The following MTA1 variants were observed in gnomAD, a reference collection of about 807,000 sequenced individuals.
MTA1 encodes the protein metastasis associated 1.
Under a neutral mutation model 97.0 loss-of-function variants are expected in MTA1, and 15 were observed. That is an observed-to-expected ratio of 0.15 (90% CI 0.10 to 0.24). MTA1 has a LOEUF of 0.24. Among genes scored for constraint, MTA1 ranks in the 10% least tolerant of loss-of-function variants. The probability of loss-of-function intolerance (pLI) is 1.00; values close to 1 mark genes in which losing one functional copy is unlikely to be tolerated. For synonymous variants in MTA1, 435 were observed against 417.5 expected (o/e 1.04, Z -0.51); for missense variants, 709 against 1,015.1 (o/e 0.70, Z 4.10).
rs587715130 is a variant in MTA1, at chr14:105,468,546, G to A, written c.1814-921G>A. Among the ~76,000 whole-genome samples, 6 of 152,320 alleles carry A rather than the reference G, an allele frequency of 3.9e-5. No individual in the cohort carries two copies. The East Asian group carries it at 9.7e-4, about 25-fold the overall frequency. The stretch of plus-strand genomic sequence containing the variant: ...GCTCCAGGGCCCCAGTTGGCCCCCA[G>A]GGGAGTGCCCCAAGTTAGGAGGCAA... On this transcript the variant is annotated intron_variant, in intron 18 of 20. Transcript: ENST00000331320.
chr14:105,429,391 T>C (rs2082107789), intron 1 of MTA1, among the ~76,000 whole-genome samples: 1 of 151,834 alleles, frequency 6.6e-6, no homozygotes, highest in African/African-American at 2.4e-5. Context: ...GTTCAAGCGA[T>C]TCTCCTGCCT....
intron 10 of MTA1, among the ~76,000 whole-genome samples, chr14:105,462,424 T>C (rs1215229030): frequency 1.3e-4 from 20 of 149,950 alleles, no homozygotes; most frequent in African/African-American, 4.4e-4. Flanking sequence ...CAAAAATTAG[T>C]CGGGCATGGT....
chr14:105,464,715 G>A lies in MTA1; in HGVS notation c.1386G>A (p.Lys462=). The A allele has an allele frequency of 1.2e-6, 2 of 1,607,512 alleles. No homozygotes were observed. Among genetic ancestry groups the A allele is most frequent in the South Asian group, 1.1e-5 (1 of 90,898 alleles). The change falls in exon 15 of 21, where the codon AAG becomes AAA. Residue 462 remains lysine, a synonymous_variant. Coordinates refer to ENST00000331320, the MANE Select transcript of MTA1 (RefSeq NM_004689.4). The part of the protein sequence containing the change: ...GLPARSSGSP[K]FAMKTRQAFY... ...CAGCCCGGAGCAGCGGGAGCCCCAA[G>A]TTTGCCATGAAGACCAGGCAGGCTT...
chr14:105,458,844 G>A (rs993627420), intron 8 of MTA1, among the ~76,000 whole-genome samples: 4 of 152,214 alleles, frequency 2.6e-5, no homozygotes, highest in Non-Finnish European at 4.4e-5. Context: ...CCAATCTATC[G>A]GGATGCCCTC....
chr14:105,419,909 G>GGCA lies in MTA1; in HGVS notation c.-121_-119dup, dbSNP rs1476927330. ...CGGCGGCGGCGGCGGCGGCGGCGGC[G>GGCA]GCAGCAGCGCGGCCCCTTTAAACGC... On this transcript the variant is annotated 5_prime_UTR_variant, in exon 1 of 21. Coordinates refer to ENST00000331320, the MANE Select transcript of MTA1 (RefSeq NM_004689.4). 19 of 248,352 alleles carry GGCA rather than the reference G, an allele frequency of 7.7e-5. No individual in the cohort carries two copies. Among genetic ancestry groups the GGCA allele is most frequent in the African/African-American group, 9.4e-5 (4 of 42,406 alleles). The allele number at this position is 248,352 out of a possible 1,614,324, so 15.4% of individuals were successfully genotyped here. A position where few individuals can be genotyped will look rare whatever the true frequency, so the allele number is the denominator to read the frequency against.
intron 16 of MTA1, chr14:105,465,722 C>G (rs587678077): frequency 6.6e-6 from 1 of 152,590 alleles, no homozygotes; most frequent in Non-Finnish European, 1.5e-5. Flanking sequence ...TGAGGACACC[C>G]GAGAACCTCA....
intron 18 of MTA1, chr14:105,469,032 C>T (rs1382939278): frequency 2.6e-6 from 1 of 387,100 alleles, no homozygotes; most frequent in Middle Eastern, 6.9e-4. Context: ...GCGGCTCTCT[C>T]AGAGCCTTAG....
chr14:105,440,270 T>C (rs1555425332), intron 2 of MTA1, among the ~76,000 whole-genome samples: 2 of 152,216 alleles, frequency 1.3e-5, no homozygotes, highest in Non-Finnish European at 2.9e-5. Flanking sequence ...CATCCCAGCA[T>C]GTGGACTGTA....
At chr14:105,466,686 C>G (rs782659496) in intron 17 of MTA1, 21 bp from the exon 18 acceptor site, 6 of 1,605,172 alleles carry the variant, frequency 3.7e-6, no homozygotes, top group Non-Finnish European at 5.1e-6. Context: ...CTCTCCCTCT[C>G]TCCCACCCCG....
At position 105,463,572 on chromosome 14, in the gene MTA1, G is replaced by T; in HGVS notation, c.1076+21G>T. 1 of 1,612,002 alleles carries T rather than the reference G, an allele frequency of 6.2e-7. No homozygotes were observed. The highest frequency in any genetic ancestry group is 8.5e-7 in the Non-Finnish European group (1 of 1,179,282). Reference sequence around the variant, plus strand: ...AACTAGTAAGTGTGCCCTCACAGCCGTCGTCCTCGTGGCCCCGGGGGCCAG... The same window carrying T: ...AACTAGTAAGTGTGCCCTCACAGCCTTCGTCCTCGTGGCCCCGGGGGCCAG... On this transcript the variant is annotated intron_variant, in intron 12 of 20. Coordinates refer to ENST00000331320, the MANE Select transcript of MTA1 (RefSeq NM_004689.4). The surrounding 1 kb of genome is among the most constrained non-coding windows in gnomAD (Gnocchi z 5.9).
rs987480381 is a variant in MTA1 at position 105,470,407 on chromosome 14, G to C, written c.*192G>C. The C allele has an allele frequency of 1.9e-6, 1 of 523,254 alleles. No individual in the cohort carries two copies. Among genetic ancestry groups the C allele is most frequent in the African/African-American group, 2.1e-5 (1 of 48,362 alleles). 32.4% of individuals were successfully genotyped at this position (523,254 alleles called of 1,614,324 possible). ...GCTAACTTATTCCGAGAATGCCGAGGAGTTGTCGTTTTTAGCTTTGTGTTT... is the reference window on the plus strand; with the variant it reads ...GCTAACTTATTCCGAGAATGCCGAGCAGTTGTCGTTTTTAGCTTTGTGTTT... On this transcript the variant is annotated 3_prime_UTR_variant, in exon 21 of 21. Transcript: ENST00000331320.
intron 18 of MTA1, 39 bp from the exon 19 acceptor site, chr14:105,469,428 T>G (rs782350357): frequency 6.2e-7 from 1 of 1,610,960 alleles, no homozygotes; most frequent in Non-Finnish European, 8.5e-7. Flanking sequence ...CAGGACGCGC[T>G]CTCTCGGGGC....
At chr14:105,447,515 A>G (rs781817473) in intron 3 of MTA1, among the ~76,000 whole-genome samples, 2 of 152,194 alleles carry the variant, frequency 1.3e-5, no homozygotes, top group Non-Finnish European at 2.9e-5. Flanking sequence ...GACTCCAGAC[A>G]TAACGTGATT....
intron 1 of MTA1, among the ~76,000 whole-genome samples, chr14:105,432,600 C>T (rs2082209112): frequency 6.6e-6 from 1 of 152,188 alleles, no homozygotes; most frequent in East Asian, 1.9e-4. Flanking sequence ...CTGTTGACTG[C>T]CATCATCAAT....
chr14:105,444,770 G>A (rs190999226), intron 2 of MTA1, among the ~76,000 whole-genome samples: 50 of 146,562 alleles, frequency 3.4e-4, no homozygotes, highest in African/African-American at 1.2e-3. Context: ...CAGCCTGGGC[G>A]ACAGAGTGAG....
In MTA1 at chr14:105,465,158, G is replaced by T. The variant is rs587625577; in HGVS notation, c.1599G>T (p.Pro533=). ...PLVLKQAVRK[P]LEAVLRYLET... ...TGCTGAAGCAGGCGGTACGCAAGCC[G>T]CTGGAAGCCGTGCTTCGGTATCTTG... The change falls in exon 16 of 21, where the codon CCG becomes CCT. Residue 533 remains proline, a synonymous_variant. Coordinates refer to ENST00000331320, the MANE Select transcript of MTA1 (RefSeq NM_004689.4). 1.3e-6 allele frequency: 2 copies of T among 1,521,582 alleles called. No homozygotes were observed. The highest frequency in any genetic ancestry group is 1.2e-5 in the South Asian group (1 of 83,172). The allele number at this position is 1,521,582 out of a possible 1,614,324, so 94.3% of individuals were successfully genotyped here.
chr14:105,463,149 C>T lies in MTA1; in HGVS notation c.943-35C>T. The T allele has an allele frequency of 1.9e-6, 3 of 1,605,552 alleles. No homozygotes were observed. The highest frequency in any genetic ancestry group is 2.2e-5 in the South Asian group (2 of 90,896). ...TGCATGGTGTGCCTGCCTCCTGCCC[C>T]TTCCTGCTTGTGTGACACGCCTCCT... On this transcript the variant is annotated intron_variant, in intron 10 of 20. Coordinates refer to ENST00000331320, the MANE Select transcript of MTA1 (RefSeq NM_004689.4). The surrounding 1 kb of genome is among the most constrained non-coding windows in gnomAD (Gnocchi z 5.9).
chr14:105,426,708 G>A (rs1453877069), intron 1 of MTA1, among the ~76,000 whole-genome samples: 3 of 152,194 alleles, frequency 2.0e-5, no homozygotes, highest in Admixed American at 6.5e-5. Context: ...CTGGGGCTCT[G>A]GTCTCCGATC....
chr14:105,464,125 C>G lies in MTA1; in HGVS notation c.1170C>G (p.Gly390=), dbSNP rs2083468939. 6.2e-7 allele frequency: 1 copy of G among 1,610,634 alleles called. No homozygotes were observed. The highest frequency in any genetic ancestry group is 8.5e-7 in the Non-Finnish European group (1 of 1,179,322). Residue 390 remains glycine, a synonymous_variant, in exon 13 of 21, where the codon GGC becomes GGG. Transcript: ENST00000331320. ...TGAPGQSPGA[G]RACESCYTTQ... ...CGCCGGGCCAGAGCCCTGGGGCTGGCCGGGCCTGCGAGAGCTGTTACAGTA... is the reference window on the plus strand; with the variant it reads ...CGCCGGGCCAGAGCCCTGGGGCTGGGCGGGCCTGCGAGAGCTGTTACAGTA...
Sources: gnomAD v4.1 joint callset for allele counts (sites outside exome capture counted in the v4.1 genomes callset) on GRCh38, gnomAD v4.1.1 for gene constraint, Gnocchi (gnomAD v3.1) non-coding constraint, MANE v1.5 for transcripts, NCBI Gene and HGNC (gene_info 2026-07-23, HGNC 2026-07-21) for gene names.